Variants in SLC13A5 observed in about 807,000 individuals in gnomAD.
SLC13A5 encodes the protein solute carrier family 13 member 5.
In SLC13A5, 25 loss-of-function variants were observed where a neutral mutation model predicts 56.5. That is an observed-to-expected ratio of 0.44 (90% CI 0.32 to 0.62). The LOEUF is 0.62. SLC13A5 is among the 20% of genes least tolerant of loss of function. SLC13A5 has a pLI of 0.04. For missense variants in SLC13A5, 649 were observed against 737.8 expected (o/e 0.88, Z 1.39); for synonymous variants, 307 against 301.5 (o/e 1.02, Z -0.19).
At chr17:6,708,220 AG>A (rs1387836049) in intron 1 of SLC13A5, among the ~76,000 whole-genome samples, 1 of 152,184 alleles carries the variant, frequency 6.6e-6, no homozygotes, top group African/African-American at 2.4e-5. Context: ...CGCCCACCTC[AG>A]CACCCTAAAG....
chr17:6,711,688 AGT>A lies in SLC13A5; in HGVS notation c.102+1542_102+1543del, dbSNP rs754982860. Among the ~76,000 whole-genome samples, 4 of 146,696 alleles carry A rather than the reference AGT, an allele frequency of 2.7e-5. No homozygotes were observed. Among genetic ancestry groups the A allele is most frequent in the East Asian group, 4.0e-4 (2 of 4,966 alleles). On this transcript the variant is annotated intron_variant, in intron 1 of 11. Transcript: ENST00000433363. The surrounding 1 kb of genome is among the most constrained non-coding windows in gnomAD (Gnocchi z 4.0). ...GTGTGTGTGTCTGTGTGTGTTTGTG[AGT>A]GTGTGTGTGTGAGAGAGAGAGTGTG... is the stretch of plus-strand genomic sequence containing the variant.
chr17:6,688,100 G>T (rs1973299705), intron 10 of SLC13A5: 1 of 153,686 alleles, frequency 6.5e-6, no homozygotes, highest in Non-Finnish European at 1.4e-5. Flanking sequence ...TTTTGCACAT[G>T]GAATTTGGTA....
At position 6,694,696 on chromosome 17, in the gene SLC13A5, G is replaced by A. The variant is rs182342946; in HGVS notation, c.1056-499C>T. Among the ~76,000 whole-genome samples the A allele has an allele frequency of 1.4e-3, 218 of 152,268 alleles. 1 individual carries two copies. The highest frequency in any genetic ancestry group is 4.0e-3 in the African/African-American group (166 of 41,560). On this transcript the variant is annotated intron_variant, in intron 7 of 11. Coordinates refer to ENST00000433363, the MANE Select transcript of SLC13A5 (RefSeq NM_177550.5). Reference sequence around the variant, plus strand: ...CCACACTCTTGACCACCAACTTTGGGTGATCCTAAGCAGTTTACTTCCCCC... The same window carrying A: ...CCACACTCTTGACCACCAACTTTGGATGATCCTAAGCAGTTTACTTCCCCC...
chr17:6,690,149 A>G (rs1349847587), intron 10 of SLC13A5: 1 of 151,074 alleles, frequency 6.6e-6, no homozygotes, highest in African/African-American at 2.4e-5. Flanking sequence ...CCCAACTCAA[A>G]AACATGCTAG....
intron 1 of SLC13A5, among the ~76,000 whole-genome samples, chr17:6,709,049 G>A (rs1973947680): frequency 6.8e-6 from 1 of 147,112 alleles, no homozygotes. Flanking sequence ...GGAGTGAAGT[G>A]GCACGGTCAC....
intron 8 of SLC13A5, among the ~76,000 whole-genome samples, chr17:6,693,802 CAA>C (rs1257761389): frequency 6.6e-6 from 1 of 152,016 alleles, no homozygotes; most frequent in Admixed American, 6.6e-5. Flanking sequence ...AGAGAGAAAA[CAA>C]AAAATTGTGC....
At position 6,693,178 on chromosome 17, in the gene SLC13A5, AACACACACACACAC is replaced by A. The variant is rs200900896; in HGVS notation, c.1157-30_1157-17del. 2,035 of 697,550 alleles carry A rather than the reference AACACACACACACAC, an allele frequency of 2.9e-3. 5 individuals carry two copies. Among genetic ancestry groups the A allele is most frequent in the East Asian group, 0.018 (521 of 28,644 alleles). The allele number at this position is 697,550 out of a possible 1,614,324, so 43.2% of individuals were successfully genotyped here. ...GTTTTCCTTTCTGGGAAGAAAAAGA[AACACACACACACAC>A]ACACACACACACACACACACACACA... On this transcript the variant is annotated splice_polypyrimidine_tract_variant and intron_variant, in intron 8 of 11. Transcript: ENST00000433363.
Position 6,713,085 on chromosome 17 carries a change from C to T in SLC13A5, c.102+147G>A. On this transcript the variant is annotated intron_variant, in intron 1 of 11. Transcript: ENST00000433363. The surrounding 1 kb of genome is among the most constrained non-coding windows in gnomAD (Gnocchi z 7.3). ...TCTTTACAGGGCACCTCCCATCCGGCACCTGGAGCTCCTGAGTGCGCGCGC... is the reference window on the plus strand; with the variant it reads ...TCTTTACAGGGCACCTCCCATCCGGTACCTGGAGCTCCTGAGTGCGCGCGC... 1.4e-6 allele frequency: 1 copy of T among 737,616 alleles called. No homozygotes were observed. Among genetic ancestry groups the T allele is most frequent in the Non-Finnish European group, 2.2e-6 (1 of 446,968 alleles). 45.7% of individuals were successfully genotyped at this position (737,616 alleles called of 1,614,324 possible). A position where few individuals can be genotyped will look rare whatever the true frequency, so the allele number is the denominator to read the frequency against.
Position 6,687,353 on chromosome 17 carries a change from T to C in SLC13A5, c.1575+176A>G. On this transcript the variant is annotated intron_variant, in intron 11 of 11. Transcript: ENST00000433363. The surrounding 1 kb of genome is among the most constrained non-coding windows in gnomAD (Gnocchi z 5.0). Reference sequence around the variant, plus strand: ...ACAGTGTGTGAGGCTTGAGATCATCTCAGAAAAAGAAGAAAAGCTGCATTA... The same window carrying C: ...ACAGTGTGTGAGGCTTGAGATCATCCCAGAAAAAGAAGAAAAGCTGCATTA... 1 of 840,410 alleles carries C rather than the reference T, an allele frequency of 1.2e-6. No individual in the cohort carries two copies. Among genetic ancestry groups the C allele is most frequent in the African/African-American group, 1.7e-5 (1 of 57,710 alleles). The allele number at this position is 840,410 out of a possible 1,614,324, so 52.1% of individuals were successfully genotyped here. A position where few individuals can be genotyped will look rare whatever the true frequency, so the allele number is the denominator to read the frequency against.
At chr17:6,702,374 G>A (rs1337801462) in intron 5 of SLC13A5, among the ~76,000 whole-genome samples, 4 of 152,130 alleles carry the variant, frequency 2.6e-5, no homozygotes, top group Admixed American at 6.5e-5. Context: ...ATCCCTTTGT[G>A]GCCAAGGCTA....
At chr17:6,700,040 C>T (rs149748189) in intron 6 of SLC13A5, among the ~76,000 whole-genome samples, 6 of 152,290 alleles carry the variant, frequency 3.9e-5, no homozygotes, top group Admixed American at 1.3e-4. Flanking sequence ...CAGTCTCTTC[C>T]CTCTGGTCAC....
Position 6,692,231 on chromosome 17 carries a change from A to AGATGGATGGATGGATG in SLC13A5, c.1275+797_1275+812dup, listed in dbSNP as rs370078806. Among the ~76,000 whole-genome samples, 28 of 143,920 alleles carry AGATGGATGGATGGATG rather than the reference A, an allele frequency of 1.9e-4. No homozygotes were observed. Among genetic ancestry groups the AGATGGATGGATGGATG allele is most frequent in the African/African-American group, 6.1e-4 (23 of 37,810 alleles). The allele number at this position is 143,920 out of a possible 152,430, so 94.4% of individuals were successfully genotyped here. ...TAGATAGATGGGTGGATGGATGGAC[A>AGATGGATGGATGGATG]GATGGATGGATGGATGGATGGATGG... On this transcript the variant is annotated intron_variant, in intron 9 of 11. Transcript: ENST00000433363. This position sits in a 1 kb window ranked among gnomAD's most constrained non-coding sequence, Gnocchi z 5.5.
chr17:6,694,104 A>T lies in SLC13A5; in HGVS notation c.1149T>A (p.Thr383=). The T allele has an allele frequency of 6.2e-7, 1 of 1,611,804 alleles. No individual in the cohort carries two copies. The highest frequency in any genetic ancestry group is 8.5e-7 in the Non-Finnish European group (1 of 1,178,256). ...QKPKFNFRSQ[T]EEERKTPFYP... Reference sequence around the variant, plus strand: ...TCAGAACAGGAGACTTACCTTCCTCAGTCTGGCTGCGGAAGTTAAACTTGG... The same window carrying T: ...TCAGAACAGGAGACTTACCTTCCTCTGTCTGGCTGCGGAAGTTAAACTTGG... Residue 383 remains threonine, a synonymous_variant, in exon 8 of 12, where the codon ACT becomes ACA. Coordinates refer to ENST00000433363, the MANE Select transcript of SLC13A5 (RefSeq NM_177550.5).
intron 4 of SLC13A5, among the ~76,000 whole-genome samples, chr17:6,703,529 G>A (rs1005763419): frequency 6.6e-6 from 1 of 152,210 alleles, no homozygotes; most frequent in African/African-American, 2.4e-5. Context: ...TGCTCGAGGA[G>A]GTCAGAAAAG....
chr17:6,690,096 C>CAA (rs1567614272), intron 10 of SLC13A5: 1 of 72,158 alleles, frequency 1.4e-5, no homozygotes, highest in Non-Finnish European at 2.8e-5. Context: ...AAAAAAAAAA[C>CAA]CATAGCCACT....
At chr17:6,690,444 G>A (rs1379252568) in intron 10 of SLC13A5, among the ~76,000 whole-genome samples, 1 of 152,218 alleles carries the variant, frequency 6.6e-6, no homozygotes, top group Non-Finnish European at 1.5e-5. Flanking sequence ...TGTGCTACAT[G>A]CTCAGAGACC....
In SLC13A5 at chr17:6,686,122, A is replaced by G; in HGVS notation, c.*85T>C. 6.3e-7 allele frequency: 1 copy of G among 1,576,764 alleles called. No individual in the cohort carries two copies. The highest frequency in any genetic ancestry group is 1.8e-5 in the Admixed American group (1 of 56,982). ...ATCGTTGGGTCATTTTGGGGTGTGA[A>G]CCCCAAAACTCTGTACAAGGTGTGC... is the stretch of plus-strand genomic sequence containing the variant. On this transcript the variant is annotated 3_prime_UTR_variant, in exon 12 of 12. Coordinates refer to ENST00000433363, the MANE Select transcript of SLC13A5 (RefSeq NM_177550.5).
rs1009712952 is a variant in SLC13A5 at position 6,711,877 on chromosome 17, A to T, written c.102+1355T>A. Among the ~76,000 whole-genome samples, 23 of 152,228 alleles carry T rather than the reference A, an allele frequency of 1.5e-4. 1 individual carries two copies. Among genetic ancestry groups the T allele is most frequent in the African/African-American group, 5.5e-4 (23 of 41,540 alleles). On this transcript the variant is annotated intron_variant, in intron 1 of 11. Coordinates refer to ENST00000433363, the MANE Select transcript of SLC13A5 (RefSeq NM_177550.5). The surrounding 1 kb of genome is among the most constrained non-coding windows in gnomAD (Gnocchi z 4.0). ...AACAACCCCAGACTTCTTGCTACAG[A>T]GGAAGTGTGGCTGCCCACAGTTGGT...
intron 1 of SLC13A5, among the ~76,000 whole-genome samples, chr17:6,712,598 C>A: frequency 6.6e-6 from 1 of 152,370 alleles, no homozygotes; most frequent in Middle Eastern, 3.4e-3. Flanking sequence ...CCAACCCCAA[C>A]CTGCCTGCAG....
Sources: gnomAD v4.1 joint callset for allele counts (sites outside exome capture counted in the v4.1 genomes callset) on GRCh38, gnomAD v4.1.1 for gene constraint, Gnocchi (gnomAD v3.1) non-coding constraint, MANE v1.5 for transcripts, NCBI Gene and HGNC (gene_info 2026-07-23, HGNC 2026-07-21) for gene names.